Variants in LCT observed in about 807,000 individuals in gnomAD.
The protein encoded by LCT is lactase.
A neutral mutation model predicts 173.0 loss-of-function variants in LCT; 90 were observed. The ratio of observed to expected loss-of-function variants is 0.52; its 90% confidence interval spans 0.44 to 0.62. LCT has a LOEUF of 0.62. Among genes scored for constraint, LCT ranks in the 20% least tolerant of loss-of-function variants. The pLI is 0.00. For missense variants in LCT, 1,864 were observed against 2,431.4 expected, an observed-to-expected ratio of 0.77 and a Z score of 4.91; for synonymous variants, 853 against 957.6, an observed-to-expected ratio of 0.89 and a Z score of 2.02.
At position 135,837,111 on chromosome 2, in the gene LCT, G is replaced by C; in HGVS notation, c.59C>G (p.Ser20Ter). 6.2e-7 allele frequency: 1 copy of C among 1,613,938 alleles called. No individual in the cohort carries two copies. Among genetic ancestry groups the C allele is most frequent in the Non-Finnish European group, 8.5e-7 (1 of 1,179,924 alleles). The part of the protein sequence containing the change: ...IALLSFSCWG[S>*]DWESDRNFIS... ...GAAATTTCTATCAGACTCCCAGTCT[G>C]ACCCCCAGCATGAAAAACTTAGCAG... Residue 20 changes from serine to a stop codon, truncating the protein, a stop_gained, in exon 1 of 17, where the codon TCA (serine) becomes TGA (stop). Transcript: ENST00000264162. LOFTEE classifies it high-confidence loss of function.
At chr2:135,800,510 C>T in intron 12 of LCT, 97 bp downstream of exon 12, 1 of 1,046,354 alleles carries the variant, frequency 9.6e-7, no homozygotes, top group South Asian at 1.3e-5. Flanking sequence ...TAGACATGAG[C>T]CACCACACCC....
intron 6 of LCT, 92 bp downstream of exon 6, chr2:135,817,249 G>C (rs561074207): frequency 4.2e-6 from 6 of 1,431,140 alleles, no homozygotes; most frequent in South Asian, 3.9e-5. Context: ...AAAAGTAAAG[G>C]CTTGCTGATG....
chr2:135,807,048 G>A lies in LCT; in HGVS notation c.4173+80C>T, dbSNP rs1482706095. The A allele has an allele frequency of 2.6e-6, 4 of 1,512,280 alleles. No homozygotes were observed. The African/African-American group carries it at 4.1e-5, about 16-fold the overall frequency. 93.7% of individuals were successfully genotyped at this position (1,512,280 alleles called of 1,614,324 possible). A position where few individuals can be genotyped will look rare whatever the true frequency, so the allele number is the denominator to read the frequency against. ...GCTGGAATCTCCTGTTCATGCATCT[G>A]CCCTTCCCAGCACTGAGCCCAGAGC... On this transcript the variant is annotated intron_variant, in intron 9 of 16. Coordinates refer to ENST00000264162, the MANE Select transcript of LCT (RefSeq NM_002299.4).
intron 14 of LCT, among the ~76,000 whole-genome samples, chr2:135,793,390 C>T (rs2077549592): frequency 6.6e-6 from 1 of 152,194 alleles, no homozygotes; most frequent in Admixed American, 6.5e-5. Flanking sequence ...TGCAGTCTGG[C>T]TCTCAGGAAG....
At chr2:135,793,923 C>T (rs2077554863) in intron 14 of LCT, among the ~76,000 whole-genome samples, 2 of 150,518 alleles carry the variant, frequency 1.3e-5, no homozygotes, top group South Asian at 4.2e-4. Flanking sequence ...ACAAAATTAG[C>T]CGAGACCATT....
rs777036154 is a variant in LCT, at chr2:135,807,265, G to A, written c.4036C>T (p.Arg1346Cys). The change falls in exon 9 of 17, where the codon CGC becomes TGC. Residue 1346 changes from arginine (R) to cysteine (C), a missense_variant. Transcript: ENST00000264162. ...HVDFNNTNRP[R>C]TARASARYYT... The stretch of plus-strand genomic sequence containing the variant: ...TACCTGGCGGAGGCTCTTGCTGTGC[G>A]AGGCCTGTTCGTGTTGTTGAAATCA... The A allele has an allele frequency of 1.9e-6, 3 of 1,614,188 alleles. No homozygotes were observed. The highest frequency in any genetic ancestry group is 1.7e-6 in the Non-Finnish European group (2 of 1,180,028).
intron 12 of LCT, among the ~76,000 whole-genome samples, chr2:135,799,471 C>T (rs924158660): frequency 3.3e-5 from 5 of 151,762 alleles, no homozygotes; most frequent in African/African-American, 1.2e-4. Context: ...CATGCTGGCA[C>T]CTGCTTCCTT....
At chr2:135,836,097 C>A (rs1412450956) in intron 1 of LCT, among the ~76,000 whole-genome samples, 1 of 149,178 alleles carries the variant, frequency 6.7e-6, no homozygotes, top group East Asian at 2.0e-4. Flanking sequence ...CGGCTCACTG[C>A]AACATCTGCC....
At position 135,835,322 on chromosome 2, in the gene LCT, G is replaced by T. The variant is rs113991930; in HGVS notation, c.640+1208C>A. On this transcript the variant is annotated intron_variant, in intron 1 of 16. Coordinates refer to ENST00000264162, the MANE Select transcript of LCT (RefSeq NM_002299.4). ...TTTAGAGATAGTGGCTCTCTATGTTGCCCAGGCTGGTCTCCAACTCCTGGC... is the reference window on the plus strand; with the variant it reads ...TTTAGAGATAGTGGCTCTCTATGTTTCCCAGGCTGGTCTCCAACTCCTGGC... Among the ~76,000 whole-genome samples, 60 of 151,096 alleles carry T rather than the reference G, an allele frequency of 4.0e-4. 1 individual carries two copies. The highest frequency in any genetic ancestry group is 1.3e-3 in the African/African-American group (55 of 41,308).
At chr2:135,815,598 G>A (rs1408217103) in intron 6 of LCT, among the ~76,000 whole-genome samples, 2 of 152,190 alleles carry the variant, frequency 1.3e-5, no homozygotes, top group East Asian at 3.9e-4. Context: ...ACGTGTGTTA[G>A]TGTCATCTTC....
chr2:135,830,699 T>C (rs895628092), intron 2 of LCT, among the ~76,000 whole-genome samples: 2 of 152,220 alleles, frequency 1.3e-5, no homozygotes, highest in Non-Finnish European at 2.9e-5. Flanking sequence ...TGTTTCTTTC[T>C]CAGTCAAGTT....
intron 14 of LCT, among the ~76,000 whole-genome samples, chr2:135,794,102 G>A (rs1262412365): frequency 6.6e-6 from 1 of 151,848 alleles, no homozygotes; most frequent in East Asian, 1.9e-4. Flanking sequence ...TTGTGCCACT[G>A]CACTCCAGCC....
chr2:135,788,413 C>T lies in LCT; in HGVS notation c.5695G>A (p.Ala1899Thr), dbSNP rs1437561472. ...TTGCAGTACTTGTATGACAGAAATGCCAAGCCACAGACTCCAAGAAGCACA... is the reference window on the plus strand; with the variant it reads ...TTGCAGTACTTGTATGACAGAAATGTCAAGCCACAGACTCCAAGAAGCACA... Reference protein sequence around the residue: ...SLVLLGVCGLAFLSYKYCKRS... With the variant: ...SLVLLGVCGLTFLSYKYCKRS... Residue 1899 changes from alanine (A) to threonine (T), a missense_variant, in exon 17 of 17, where the codon GCA (alanine) becomes ACA (threonine). Transcript: ENST00000264162. 3.7e-6 allele frequency: 6 copies of T among 1,613,968 alleles called. No homozygotes were observed. In the East Asian group the frequency reaches 1.3e-4, roughly 36 times the overall value.
chr2:135,807,479 C>T, intron 8 of LCT, 83 bp from the exon 9 acceptor site: 1 of 1,320,622 alleles, frequency 7.6e-7, no homozygotes, highest in East Asian at 2.3e-5. Flanking sequence ...GCCAGCTCCT[C>T]AATTCAAGGT....
chr2:135,826,720 C>T (rs1317209198), intron 3 of LCT, among the ~76,000 whole-genome samples: 2 of 152,170 alleles, frequency 1.3e-5, no homozygotes, highest in Admixed American at 1.3e-4. Flanking sequence ...ACCCATTAGC[C>T]TAGCAACAAG....
intron 16 of LCT, 22 bp downstream of exon 16, chr2:135,789,549 C>G (rs1253942668): frequency 7.0e-6 from 11 of 1,582,126 alleles, no homozygotes; most frequent in East Asian, 4.5e-5. Context: ...AGGCTTTATT[C>G]CCTCCCAGAG....
At chr2:135,826,702 T>C (rs949160511) in intron 3 of LCT, among the ~76,000 whole-genome samples, 2 of 152,154 alleles carry the variant, frequency 1.3e-5, no homozygotes, top group African/African-American at 4.8e-5. Context: ...AATGGCAGCT[T>C]TGTCTGAACC....
chr2:135,817,314 A>C (rs760142075), intron 6 of LCT, 27 bp downstream of exon 6: 1 of 1,608,474 alleles, frequency 6.2e-7, no homozygotes, highest in Non-Finnish European at 8.5e-7. Context: ...TCCTCCAATT[A>C]GTAGGAGCTG....
chr2:135,799,390 C>T (rs1447181989), intron 12 of LCT, among the ~76,000 whole-genome samples: 5 of 152,080 alleles, frequency 3.3e-5, no homozygotes, highest in Admixed American at 1.3e-4. Flanking sequence ...GGAGCTGTGC[C>T]GTGAACGAGG....
Sources: gnomAD v4.1 joint callset for allele counts (sites outside exome capture counted in the v4.1 genomes callset) on GRCh38, gnomAD v4.1.1 for gene constraint, MANE v1.5 for transcripts, NCBI Gene and HGNC (gene_info 2026-07-23, HGNC 2026-07-21) for gene names.